KCNIP4: variants seen among roughly 807,000 people sequenced by gnomAD.
KCNIP4 encodes Kv channel-interacting protein 4.
Under a neutral mutation model 34.0 loss-of-function variants are expected in KCNIP4, and 12 were observed. The ratio of observed to expected loss-of-function variants is 0.35; its 90% CI spans 0.23 to 0.57. KCNIP4 has a LOEUF of 0.57. Ranked by LOEUF, KCNIP4 falls within the 20% of genes least tolerant of loss-of-function variation. The probability of loss-of-function intolerance (pLI) is 0.83; values close to 1 mark genes in which losing one functional copy is unlikely to be tolerated. For missense variants in KCNIP4, 238 were observed against 311.7 expected, an observed-to-expected ratio of 0.76 and a Z score of 1.78; for synonymous variants, 124 against 102.2, an observed-to-expected ratio of 1.21 and a Z score of -1.29.
At chr4:21,363,380 C>G (rs1489110466) in intron 1 of KCNIP4, among the ~76,000 whole-genome samples, 1 of 152,106 alleles carries the variant, frequency 6.6e-6, no homozygotes, top group African/African-American at 2.4e-5. Flanking sequence ...CACTCAAAAC[C>G]TTTACCTAGC....
chr4:21,329,592 T>A (rs932121004), intron 1 of KCNIP4, among the ~76,000 whole-genome samples: 1 of 152,162 alleles, frequency 6.6e-6, no homozygotes, highest in Non-Finnish European at 1.5e-5. Context: ...GAACGGTATA[T>A]GGTGCTATGG....
chr4:21,513,098 C>G (rs1734468769), intron 1 of KCNIP4, among the ~76,000 whole-genome samples: 1 of 152,188 alleles, frequency 6.6e-6, no homozygotes, highest in Non-Finnish European at 1.5e-5. Context: ...CCACTATGTT[C>G]CAGGCAGAGA....
At chr4:21,098,363 T>C (rs1032861982) in intron 1 of KCNIP4, among the ~76,000 whole-genome samples, 1 of 152,204 alleles carries the variant, frequency 6.6e-6, no homozygotes, top group African/African-American at 2.4e-5. Flanking sequence ...TCTAGGACTT[T>C]CATAGCTGTG....
intron 1 of KCNIP4, among the ~76,000 whole-genome samples, chr4:21,231,031 C>T (rs547978405): frequency 3.4e-4 from 51 of 152,186 alleles, no homozygotes; most frequent in Non-Finnish European, 6.5e-4. Flanking sequence ...CTTACGCCAC[C>T]CAATTTCTGG....
chr4:20,989,712 T>C (rs1736908900), intron 1 of KCNIP4, among the ~76,000 whole-genome samples: 1 of 152,142 alleles, frequency 6.6e-6, no homozygotes, highest in South Asian at 2.1e-4. Flanking sequence ...CTCATGCCTG[T>C]AATCCTAGCA....
intron 1 of KCNIP4, among the ~76,000 whole-genome samples, chr4:21,391,571 A>G (rs1722562507): frequency 6.6e-6 from 1 of 152,038 alleles, no homozygotes; most frequent in Non-Finnish European, 1.5e-5. Flanking sequence ...ACTCCTCAGC[A>G]TGCCACTGAG....
At chr4:21,590,403 T>C (rs950356105) in intron 1 of KCNIP4, among the ~76,000 whole-genome samples, 18 of 151,908 alleles carry the variant, frequency 1.2e-4, no homozygotes, top group African/African-American at 3.4e-4. Context: ...TTAAAGAGTA[T>C]GAATAATCTC....
intron 1 of KCNIP4, among the ~76,000 whole-genome samples, chr4:21,575,281 A>G (rs974423211): frequency 2.0e-5 from 3 of 152,198 alleles, no homozygotes; most frequent in African/African-American, 7.2e-5. Context: ...CAAGAGTCCA[A>G]GATGATTTGG....
At chr4:21,049,036 C>T (rs1399325996) in intron 1 of KCNIP4, among the ~76,000 whole-genome samples, 2 of 148,868 alleles carry the variant, frequency 1.3e-5, no homozygotes, top group Non-Finnish European at 3.0e-5. Flanking sequence ...CTGCAAGCTC[C>T]GCCTCCCGGG....
intron 1 of KCNIP4, chr4:21,848,810 G>C (rs1055928628): frequency 6.6e-6 from 1 of 152,040 alleles, no homozygotes; most frequent in East Asian, 1.9e-4. Context: ...CATGCAATCA[G>C]GTTGTGGCTG....
intron 1 of KCNIP4, among the ~76,000 whole-genome samples, chr4:21,417,363 G>C (rs183529478): frequency 3.4e-4 from 51 of 151,336 alleles, no homozygotes; most frequent in African/African-American, 1.0e-3. Context: ...AAGGGACTTA[G>C]GTAAAGGTGG....
intron 1 of KCNIP4, among the ~76,000 whole-genome samples, chr4:21,519,584 GTA>G (rs1318897020): frequency 0.079 from 2,901 of 36,740 alleles, 766 homozygotes; most frequent in East Asian, 0.13. Flanking sequence ...ATATGTGTGT[GTA>G]TGTATGTGTA....
chr4:21,258,562 AT>A (rs1223824324), intron 1 of KCNIP4, among the ~76,000 whole-genome samples: 1 of 152,162 alleles, frequency 6.6e-6, no homozygotes, highest in African/African-American at 2.4e-5. Flanking sequence ...TAAGACAATA[AT>A]TGATATAGTG....
At chr4:21,364,918 A>G (rs1179110445) in intron 1 of KCNIP4, among the ~76,000 whole-genome samples, 1 of 152,208 alleles carries the variant, frequency 6.6e-6, no homozygotes, top group African/African-American at 2.4e-5. Flanking sequence ...TCAGAAAAGG[A>G]CATTGCAAGT....
chr4:21,099,310 C>T (rs1232795828), intron 1 of KCNIP4, among the ~76,000 whole-genome samples: 6 of 152,108 alleles, frequency 3.9e-5, no homozygotes, highest in South Asian at 2.1e-4. Context: ...AAGATCATGC[C>T]CTTTGCACGG....
rs140694874 is a variant in KCNIP4 at position 20,843,496 on chromosome 4, G to A, written c.288+7047C>T. ...TGTAATCCCAGCACTTTGGGAGGTG[G>A]AGGCAGGCGGATCACCTGAGGTCAG... On this transcript the variant is annotated intron_variant, in intron 3 of 8. Coordinates refer to ENST00000382152, the MANE Select transcript of KCNIP4 (RefSeq NM_025221.6). Among the ~76,000 whole-genome samples, 626 of 152,232 alleles carry A rather than the reference G, an allele frequency of 4.1e-3. 5 individuals carry two copies. Among genetic ancestry groups the A allele is most frequent in the Non-Finnish European group, 7.1e-3 (484 of 68,002 alleles).
chr4:21,142,078 G>A (rs2109213347), intron 1 of KCNIP4, among the ~76,000 whole-genome samples: 1 of 150,370 alleles, frequency 6.7e-6, no homozygotes, highest in South Asian at 2.1e-4. Flanking sequence ...GTGAACCCGG[G>A]AGGCTGAGGT....
chr4:21,174,774 G>A (rs1320266212), intron 1 of KCNIP4, among the ~76,000 whole-genome samples: 1 of 151,870 alleles, frequency 6.6e-6, no homozygotes, highest in Non-Finnish European at 1.5e-5. Context: ...GCCTGGTGGT[G>A]CATGCCTGTA....
chr4:21,116,845 T>G (rs759505859), intron 1 of KCNIP4, among the ~76,000 whole-genome samples: 16 of 152,202 alleles, frequency 1.1e-4, no homozygotes, highest in Non-Finnish European at 2.4e-4. Context: ...CATTATTATT[T>G]CACCTTCATA....
Sources: allele counts gnomAD v4.1 joint callset (sites outside exome capture counted in the v4.1 genomes callset), GRCh38; gene constraint gnomAD v4.1.1; transcripts MANE v1.5; gene names NCBI Gene and HGNC (gene_info 2026-07-23, HGNC 2026-07-21).